The following CD244 variants were observed in gnomAD, a reference collection of about 807,000 sequenced individuals.
CD244 encodes CD244 molecule, also known as natural killer cell receptor 2B4.
CD244 carries 20 observed loss-of-function variants against 45.5 expected under a neutral mutation model. The ratio of observed to expected loss-of-function variants is 0.44; its 90% CI spans 0.31 to 0.64. CD244 has a LOEUF of 0.64. CD244 is among the 30% of genes least tolerant of loss of function. The pLI is 0.08. For missense variants in CD244, 407 were observed against 426.9 expected (o/e 0.95, Z 0.41); for synonymous variants, 185 against 160.5 (o/e 1.15, Z -1.15).
chr1:160,849,283 C>CTTTTTTT (rs371170555), intron 1 of CD244, among the ~76,000 whole-genome samples: 76 of 139,308 alleles, frequency 5.5e-4, no homozygotes, highest in Admixed American at 7.2e-4. Flanking sequence ...CCATCTCTTT[C>CTTTTTTT]TTTTTTTTTT....
intron 7 of CD244, among the ~76,000 whole-genome samples, chr1:160,833,430 C>A (rs946184475): frequency 6.6e-6 from 1 of 152,226 alleles, no homozygotes; most frequent in African/African-American, 2.4e-5. Context: ...GAACACCACT[C>A]TTCCCATCCC....
intron 4 of CD244, 30 bp from the exon 5 acceptor site, chr1:160,838,548 C>G (rs1202581440): frequency 6.6e-7 from 1 of 1,506,534 alleles, no homozygotes; most frequent in Non-Finnish European, 9.2e-7. Flanking sequence ...AAGAGCAGAG[C>G]TGCAGAAACC....
intron 3 of CD244, 128 bp downstream of exon 3, chr1:160,841,082 G>C: frequency 1.1e-6 from 1 of 871,306 alleles, no homozygotes. Flanking sequence ...GCTACCCTGG[G>C]AAGGGCTACA....
intron 8 of CD244, 59 bp downstream of exon 8, chr1:160,832,460 G>T: frequency 9.6e-7 from 1 of 1,038,960 alleles, no homozygotes. Flanking sequence ...CCCTTTCATG[G>T]CTAGATTTCA....
chr1:160,850,928 C>T (rs1669898754), intron 1 of CD244, among the ~76,000 whole-genome samples: 1 of 152,230 alleles, frequency 6.6e-6, no homozygotes, highest in African/African-American at 2.4e-5. Context: ...CCGTTATTCC[C>T]TCCTTGGGTT....
At chr1:160,841,141 C>T (rs1669526032) in intron 3 of CD244, 69 bp downstream of exon 3, 1 of 1,480,082 alleles carries the variant, frequency 6.8e-7, no homozygotes, top group Non-Finnish European at 9.3e-7. Context: ...CCACATCTGT[C>T]TTGCACATGA....
At chr1:160,859,151 C>T (rs1043806181) in intron 1 of CD244, among the ~76,000 whole-genome samples, 1 of 152,042 alleles carries the variant, frequency 6.6e-6, no homozygotes, top group African/African-American at 2.4e-5. Flanking sequence ...GGTATTTGAG[C>T]AAAACTCTGA....
At chr1:160,838,311 A>G in intron 5 of CD244, 140 bp downstream of exon 5, 2 of 722,874 alleles carry the variant, frequency 2.8e-6, no homozygotes, top group South Asian at 3.1e-5. Flanking sequence ...AGGTGGAGAA[A>G]AGATAGATGG....
intron 1 of CD244, among the ~76,000 whole-genome samples, chr1:160,852,883 C>T (rs897673890): frequency 1.3e-4 from 19 of 151,938 alleles, no homozygotes; most frequent in African/African-American, 3.4e-4. Context: ...ATTAGCTGGG[C>T]GTGGCAGTGC....
chr1:160,848,047 C>A, intron 1 of CD244: 1 of 337,560 alleles, frequency 3.0e-6, no homozygotes, highest in Non-Finnish European at 5.8e-6. Flanking sequence ...TAGCAGTTGA[C>A]CATGAACCCT....
intron 1 of CD244, among the ~76,000 whole-genome samples, chr1:160,855,648 A>C (rs1260044212): frequency 6.6e-6 from 1 of 152,184 alleles, no homozygotes; most frequent in Non-Finnish European, 1.5e-5. Flanking sequence ...CAACAAGTGA[A>C]AATTGTTTAG....
chr1:160,832,853 C>CAT (rs10643819), intron 7 of CD244: 166,985 of 346,034 alleles, frequency 0.48, 44,942 homozygotes, highest in Admixed American at 0.55. Context: ...AACCCATACA[C>CAT]ATATGTGTGT....
chr1:160,856,156 C>T (rs961005511), intron 1 of CD244, among the ~76,000 whole-genome samples: 8 of 152,124 alleles, frequency 5.3e-5, no homozygotes, highest in African/African-American at 1.9e-4. Context: ...AGTGAGATTC[C>T]AAAAGTACTG....
At chr1:160,833,331 T>C (rs1193484148) in intron 7 of CD244, among the ~76,000 whole-genome samples, 1 of 152,224 alleles carries the variant, frequency 6.6e-6, no homozygotes, top group African/African-American at 2.4e-5. Flanking sequence ...GTCCCTGACC[T>C]GCATGGACTT....
chr1:160,857,318 C>T (rs1247350824), intron 1 of CD244, among the ~76,000 whole-genome samples: 1 of 152,170 alleles, frequency 6.6e-6, no homozygotes, highest in African/African-American at 2.4e-5. Context: ...ATATACCCAA[C>T]AGACATGCAT....
At chr1:160,862,467 G>T in intron 1 of CD244, 150 bp downstream of exon 1, 1 of 650,330 alleles carries the variant, frequency 1.5e-6, no homozygotes. Flanking sequence ...TGTCCTGTCT[G>T]ATTTAGACTG....
intron 1 of CD244, among the ~76,000 whole-genome samples, chr1:160,852,407 G>A (rs929054566): frequency 2.6e-5 from 4 of 151,928 alleles, no homozygotes; most frequent in Admixed American, 2.6e-4. Flanking sequence ...AAAATTAGCA[G>A]AGCACGGTGG....
chr1:160,855,336 T>C (rs1456961265), intron 1 of CD244, among the ~76,000 whole-genome samples: 1 of 152,136 alleles, frequency 6.6e-6, no homozygotes, highest in Non-Finnish European at 1.5e-5. Context: ...CTGTAGCTGC[T>C]CTTTGTTGCT....
chr1:160,832,461 C>T, intron 8 of CD244, 58 bp downstream of exon 8: 2 of 1,059,994 alleles, frequency 1.9e-6, no homozygotes, highest in South Asian at 3.0e-5. Flanking sequence ...CCTTTCATGG[C>T]TAGATTTCAG....
Sources: allele counts gnomAD v4.1 joint callset (sites outside exome capture counted in the v4.1 genomes callset), GRCh38; gene constraint gnomAD v4.1.1; transcripts MANE v1.5; gene names NCBI Gene and HGNC (gene_info 2026-07-23, HGNC 2026-07-21).